The following KALRN variants were observed in gnomAD, a reference collection of about 807,000 sequenced individuals.
KALRN encodes kalirin RhoGEF kinase.
KALRN carries 70 observed loss-of-function variants against 353.7 expected under a neutral mutation model. The ratio of observed to expected loss-of-function variants is 0.20; its 90% CI spans 0.16 to 0.24. The LOEUF (loss-of-function observed/expected upper bound fraction) is 0.24. KALRN is among the 10% of genes least tolerant of loss of function. KALRN has a pLI of 1.00. For synonymous variants in KALRN, 1,391 were observed against 1,434.8 expected (o/e 0.97, Z 0.69); for missense variants, 2,791 against 3,756.7 (o/e 0.74, Z 6.72).
intron 33 of KALRN, among the ~76,000 whole-genome samples, chr3:124,530,648 T>C (rs992490728): frequency 6.6e-6 from 1 of 152,116 alleles, no homozygotes; most frequent in African/African-American, 2.4e-5. Context: ...CCTCCCAAAG[T>C]GCGAGGATTA....
At chr3:124,619,873 T>A (rs2079081798) in intron 34 of KALRN, among the ~76,000 whole-genome samples, 1 of 152,212 alleles carries the variant, frequency 6.6e-6, no homozygotes, top group African/African-American at 2.4e-5. Context: ...ATCAATGTGC[T>A]AGGGTTCCCT....
At chr3:124,208,509 G>T (rs1171074540) in intron 1 of KALRN, among the ~76,000 whole-genome samples, 1 of 152,176 alleles carries the variant, frequency 6.6e-6, no homozygotes, top group Non-Finnish European at 1.5e-5. Flanking sequence ...CAATTAAAGT[G>T]AGCTTGTGAA....
intron 19 of KALRN, among the ~76,000 whole-genome samples, chr3:124,445,385 T>G (rs1184572297): frequency 6.6e-6 from 1 of 152,186 alleles, no homozygotes; most frequent in East Asian, 1.9e-4. Context: ...TTTAAAACGC[T>G]TAAGACATCT....
At chr3:124,355,688 A>G (rs2083307884) in intron 10 of KALRN, among the ~76,000 whole-genome samples, 1 of 145,980 alleles carries the variant, frequency 6.9e-6, no homozygotes, top group East Asian at 2.1e-4. Context: ...TTAGGATTAA[A>G]CACCCTCAAC....
intron 34 of KALRN, among the ~76,000 whole-genome samples, chr3:124,574,772 G>C (rs1027243468): frequency 2.0e-5 from 3 of 152,216 alleles, no homozygotes; most frequent in Admixed American, 6.5e-5. Flanking sequence ...TTGAGGAAAA[G>C]AGAAGGCAAG....
intron 37 of KALRN, among the ~76,000 whole-genome samples, chr3:124,640,387 A>C (rs1275310588): frequency 6.6e-6 from 1 of 151,166 alleles, no homozygotes; most frequent in Non-Finnish European, 1.5e-5. Context: ...CCCAGGTTCA[A>C]GTGATTCTCA....
chr3:124,049,611 C>T (rs1228604979), intron 1 of KALRN, among the ~76,000 whole-genome samples: 1 of 152,132 alleles, frequency 6.6e-6, no homozygotes, highest in Non-Finnish European at 1.5e-5. Flanking sequence ...ATGGGAGTGA[C>T]AGCCTGTACT....
chr3:124,524,170 C>T (rs911057916), intron 33 of KALRN, among the ~76,000 whole-genome samples: 14 of 152,198 alleles, frequency 9.2e-5, no homozygotes, highest in Admixed American at 3.3e-4. Context: ...TACAGTCCCA[C>T]GCAAGCTGCT....
At chr3:124,331,835 C>T (rs1431200779) in intron 8 of KALRN, among the ~76,000 whole-genome samples, 2 of 152,184 alleles carry the variant, frequency 1.3e-5, no homozygotes, top group Non-Finnish European at 2.9e-5. Context: ...TCCCTCCAAG[C>T]CCACTTCAGA....
chr3:124,639,055 C>G (rs640766), intron 37 of KALRN, among the ~76,000 whole-genome samples: 79,527 of 152,008 alleles, frequency 0.52, 21,760 homozygotes, highest in East Asian at 0.9. Flanking sequence ...TACCTTTCCA[C>G]CATCTAGTTA....
chr3:124,424,161 G>A (rs149198823), intron 15 of KALRN, among the ~76,000 whole-genome samples: 26 of 152,254 alleles, frequency 1.7e-4, no homozygotes, highest in Admixed American at 3.3e-4. Flanking sequence ...TCCCGGGGGG[G>A]TTCCCAGCAG....
At chr3:124,266,077 T>C (rs567642889) in intron 4 of KALRN, among the ~76,000 whole-genome samples, 1 of 152,280 alleles carries the variant, frequency 6.6e-6, no homozygotes, top group African/African-American at 2.4e-5. Flanking sequence ...ATCGTACTAT[T>C]GCATTCCAGC....
intron 33 of KALRN, chr3:124,518,338 A>G: frequency 7.4e-7 from 1 of 1,358,530 alleles, no homozygotes; most frequent in Non-Finnish European, 1.1e-6. Flanking sequence ...GGGCTACGGG[A>G]TCTCATGCAG....
chr3:124,229,543 T>C (rs1266652912), intron 2 of KALRN, among the ~76,000 whole-genome samples: 1 of 152,220 alleles, frequency 6.6e-6, no homozygotes, highest in Non-Finnish European at 1.5e-5. Context: ...AGTCCAGTCC[T>C]GTAGAGCAGA....
intron 1 of KALRN, among the ~76,000 whole-genome samples, chr3:124,044,796 T>G: frequency 6.6e-6 from 1 of 151,612 alleles, no homozygotes; most frequent in Non-Finnish European, 1.5e-5. Context: ...CCCTTTATTT[T>G]CAAAATCATG....
chr3:124,406,761 G>A (rs1174418575), intron 13 of KALRN, among the ~76,000 whole-genome samples: 2 of 151,354 alleles, frequency 1.3e-5, no homozygotes, highest in Non-Finnish European at 2.9e-5. Flanking sequence ...AGTATTTTGA[G>A]TTAGACTGCC....
intron 1 of KALRN, among the ~76,000 whole-genome samples, chr3:124,181,082 A>C (rs1236877587): frequency 6.9e-6 from 1 of 145,676 alleles, no homozygotes; most frequent in Non-Finnish European, 1.5e-5. Flanking sequence ...AATACAAAAA[A>C]AAAAAAAAAA....
intron 57 of KALRN, among the ~76,000 whole-genome samples, chr3:124,706,920 C>T (rs144718734): frequency 6.6e-5 from 10 of 152,208 alleles, no homozygotes; most frequent in African/African-American, 2.4e-4. Context: ...ACTCCCAATG[C>T]CACCCAAGAT....
intron 6 of KALRN, among the ~76,000 whole-genome samples, chr3:124,313,270 G>A (rs1385884645): frequency 6.6e-6 from 1 of 152,116 alleles, no homozygotes; most frequent in East Asian, 1.9e-4. Flanking sequence ...CCACTAAAAA[G>A]CAAACCCCCA....
Sources: gnomAD v4.1 joint callset for allele counts (sites outside exome capture counted in the v4.1 genomes callset) on GRCh38, gnomAD v4.1.1 for gene constraint, MANE v1.5 for transcripts, NCBI Gene and HGNC (gene_info 2026-07-23, HGNC 2026-07-21) for gene names.